FAM53B: variants seen among roughly 807,000 people sequenced by gnomAD.
FAM53B encodes protein FAM53B.
A neutral mutation model predicts 32.7 loss-of-function variants in FAM53B; 12 were observed. That is an observed-to-expected ratio of 0.37 (90% CI 0.24 to 0.59). FAM53B has a LOEUF of 0.59. FAM53B is among the 20% of genes least tolerant of loss of function. The pLI is 0.72. For synonymous variants in FAM53B, 234 were observed against 228.7 expected (o/e 1.02, Z -0.21); for missense variants, 477 against 577.7 (o/e 0.83, Z 1.79).
intron 1 of FAM53B, among the ~76,000 whole-genome samples, chr10:124,719,288 A>G (rs1950054685): frequency 6.6e-6 from 1 of 152,134 alleles, no homozygotes; most frequent in African/African-American, 2.4e-5. Context: ...CACTTGCCCC[A>G]CTTCCTTCTA....
chr10:124,717,732 G>C (rs984157114), intron 1 of FAM53B, among the ~76,000 whole-genome samples: 7 of 152,200 alleles, frequency 4.6e-5, no homozygotes, highest in African/African-American at 1.7e-4. Context: ...GCATACAGGG[G>C]CATCTTGGTG....
intron 2 of FAM53B, among the ~76,000 whole-genome samples, chr10:124,697,614 C>T (rs563964323): frequency 6.6e-6 from 1 of 152,226 alleles, no homozygotes; most frequent in East Asian, 1.9e-4. Flanking sequence ...GGAAGACGGT[C>T]ACAGACAAAC....
At chr10:124,660,269 A>G (rs898923457) in intron 4 of FAM53B, among the ~76,000 whole-genome samples, 2 of 152,186 alleles carry the variant, frequency 1.3e-5, no homozygotes, top group Admixed American at 6.5e-5. Context: ...AGAGCAAACG[A>G]TCCATCCTCG....
Position 124,623,428 on chromosome 10 carries a change from AG to A in FAM53B, c.1082del (p.Pro361LeufsTer59). ...AGTPVPEPLP[P>X]SFDDHLACQE... is the part of the protein sequence containing the mutation. ...GGCAGGCGAGGTGGTCGTCGAAGGA[AG>A]GGGGAAGAGGCTCAGGGACCGGGGT... On this transcript the variant is annotated frameshift_variant, in exon 5 of 5. Coordinates refer to ENST00000337318, the MANE Select transcript of FAM53B (RefSeq NM_014661.4). LOFTEE classifies it high-confidence loss of function. The A allele has an allele frequency of 6.2e-7, 1 of 1,604,166 alleles. No individual in the cohort carries two copies. Among genetic ancestry groups the A allele is most frequent in the Non-Finnish European group, 8.5e-7 (1 of 1,176,260 alleles).
intron 1 of FAM53B, among the ~76,000 whole-genome samples, chr10:124,713,031 G>A (rs1170418674): frequency 1.3e-5 from 2 of 152,190 alleles, no homozygotes; most frequent in African/African-American, 4.8e-5. Context: ...ACAGGTGGCT[G>A]CTGCCGTGGT....
intron 4 of FAM53B, among the ~76,000 whole-genome samples, chr10:124,624,668 C>CAGG (rs1201489453): frequency 6.6e-6 from 1 of 151,962 alleles, no homozygotes; most frequent in Non-Finnish European, 1.5e-5. Context: ...AGAGCTTGAA[C>CAGG]AGGATTTCAA....
At position 124,727,961 on chromosome 10, in the gene FAM53B, C is replaced by A. The variant is rs574926329; in HGVS notation, c.-175+16052G>T. On this transcript the variant is annotated intron_variant, in intron 1 of 4. Transcript: ENST00000337318. ...CTTGTAAAGCATCATATGAGACAAA[C>A]AAATCATGTCTGAGGACCACATCTG... Among the ~76,000 whole-genome samples, 46 of 152,310 alleles carry A rather than the reference C, an allele frequency of 3.0e-4. No homozygotes were observed. The South Asian group carries it at 3.7e-3, about 12-fold the overall frequency.
rs1949320397 is a variant in FAM53B at position 124,622,799 on chromosome 10, AC to A, written c.*442del. On this transcript the variant is annotated 3_prime_UTR_variant, in exon 5 of 5. Coordinates refer to ENST00000337318, the MANE Select transcript of FAM53B (RefSeq NM_014661.4). ...TGCGGGGCCGACTCCCCAGAAGTGA[AC>A]CTGAGTGAGGCCAAGAAGGGCCCTG... is the stretch of plus-strand genomic sequence containing the variant. 6.2e-6 allele frequency: 1 copy of A among 160,674 alleles called. No homozygotes were observed. Among genetic ancestry groups the A allele is most frequent in the Non-Finnish European group, 1.4e-5 (1 of 73,904 alleles). 10.0% of individuals were successfully genotyped at this position (160,674 alleles called of 1,614,324 possible).
chr10:124,677,959 G>A (rs1278982760), intron 4 of FAM53B, among the ~76,000 whole-genome samples: 4 of 152,202 alleles, frequency 2.6e-5, no homozygotes, highest in East Asian at 1.9e-4. Context: ...TCTGAACACC[G>A]AGTTGACTAC....
At chr10:124,724,835 C>T (rs1042518480) in intron 1 of FAM53B, among the ~76,000 whole-genome samples, 2 of 152,238 alleles carry the variant, frequency 1.3e-5, no homozygotes, top group African/African-American at 4.8e-5. Context: ...TCATCTCAGA[C>T]TCCCGAGTTA....
intron 2 of FAM53B, among the ~76,000 whole-genome samples, chr10:124,702,803 G>A (rs1949924449): frequency 1.3e-5 from 2 of 152,202 alleles, no homozygotes; most frequent in South Asian, 4.1e-4. Context: ...TGGAGGCGGG[G>A]CCTGGTGGGG....
intron 4 of FAM53B, among the ~76,000 whole-genome samples, chr10:124,641,002 C>G (rs555673478): frequency 1.2e-4 from 18 of 152,332 alleles, no homozygotes; most frequent in African/African-American, 4.3e-4. Context: ...GGAGCATACC[C>G]CGCCTAGGTG....
intron 4 of FAM53B, among the ~76,000 whole-genome samples, chr10:124,666,791 GGA>G (rs2134060147): frequency 6.6e-6 from 1 of 152,342 alleles, no homozygotes; most frequent in South Asian, 2.1e-4. Flanking sequence ...AGCCCCACGA[GGA>G]GGGTGGAGCA....
At chr10:124,652,380 C>G (rs1162537208) in intron 4 of FAM53B, among the ~76,000 whole-genome samples, 3 of 152,146 alleles carry the variant, frequency 2.0e-5, no homozygotes, top group African/African-American at 7.2e-5. Flanking sequence ...CTGGGCAACA[C>G]CGGGATGGGC....
intron 4 of FAM53B, among the ~76,000 whole-genome samples, chr10:124,675,854 T>C (rs1014281253): frequency 6.6e-6 from 1 of 152,250 alleles, no homozygotes; most frequent in South Asian, 2.1e-4. Context: ...ACTCTTCCTG[T>C]ACTCTAGAGG....
intron 1 of FAM53B, among the ~76,000 whole-genome samples, chr10:124,732,605 T>C (rs1950151184): frequency 6.6e-6 from 1 of 152,202 alleles, no homozygotes; most frequent in Non-Finnish European, 1.5e-5. Context: ...ACACCTGTAA[T>C]CCCAGCACTT....
intron 1 of FAM53B, among the ~76,000 whole-genome samples, chr10:124,716,352 A>G (rs1186316749): frequency 6.6e-6 from 1 of 152,188 alleles, no homozygotes; most frequent in Non-Finnish European, 1.5e-5. Flanking sequence ...CCTTAATGGA[A>G]GGGGGAAAAA....
chr10:124,659,165 A>G (rs1949613693), intron 4 of FAM53B, among the ~76,000 whole-genome samples: 1 of 152,178 alleles, frequency 6.6e-6, no homozygotes, highest in East Asian at 1.9e-4. Flanking sequence ...GACTTGCAGG[A>G]CACATACAGC....
chr10:124,650,406 G>A (rs1249834602), intron 4 of FAM53B, among the ~76,000 whole-genome samples: 1 of 152,224 alleles, frequency 6.6e-6, no homozygotes, highest in Non-Finnish European at 1.5e-5. Context: ...TTTTGGCAGT[G>A]GTGCTTGTGA....
Sources: gnomAD v4.1 joint callset for allele counts (sites outside exome capture counted in the v4.1 genomes callset) on GRCh38, gnomAD v4.1.1 for gene constraint, MANE v1.5 for transcripts, NCBI Gene and HGNC (gene_info 2026-07-23, HGNC 2026-07-21) for gene names.